FRAS1: variants seen among roughly 807,000 people sequenced by gnomAD.
FRAS1 encodes the protein extracellular matrix organizing protein FRAS1.
Under a neutral mutation model 435.2 loss-of-function variants are expected in FRAS1, and 290 were observed. The observed-to-expected ratio is 0.67, with a 90% CI of 0.61 to 0.73. FRAS1 has a LOEUF of 0.73. Ranked by LOEUF, FRAS1 falls within the 30% of genes least tolerant of loss-of-function variation. The pLI is 0.00. For synonymous variants in FRAS1, 1,800 were observed against 1,851.0 expected, an observed-to-expected ratio of 0.97 and a Z score of 0.71; for missense variants, 4,860 against 5,001.5, an observed-to-expected ratio of 0.97 and a Z score of 0.85.
At chr4:78,274,373 CTCTTGCTTCTCT>C (rs1726884442) in intron 9 of FRAS1, among the ~76,000 whole-genome samples, 1 of 152,166 alleles carries the variant, frequency 6.6e-6, no homozygotes, top group Admixed American at 6.5e-5. Context: ...AATGTGTTTG[CTCTTGCTTCTCT>C]AGTTCCTTTC....
At chr4:78,162,713 T>G (rs780297854) in intron 2 of FRAS1, among the ~76,000 whole-genome samples, 1 of 152,206 alleles carries the variant, frequency 6.6e-6, no homozygotes, top group Non-Finnish European at 1.5e-5. Flanking sequence ...ATCTGATAAC[T>G]TCAGAAACGG....
At chr4:78,291,634 C>G (rs1727903055) in intron 14 of FRAS1, among the ~76,000 whole-genome samples, 2 of 152,122 alleles carry the variant, frequency 1.3e-5, no homozygotes, top group African/African-American at 2.4e-5. Flanking sequence ...TTTCATTTCC[C>G]CTTTCATTCT....
chr4:78,233,363 T>G (rs1230217505), intron 2 of FRAS1, among the ~76,000 whole-genome samples: 2 of 152,234 alleles, frequency 1.3e-5, no homozygotes, highest in African/African-American at 4.8e-5. Context: ...ATAGTTTCAT[T>G]TCTCCCTTAT....
intron 14 of FRAS1, among the ~76,000 whole-genome samples, chr4:78,305,271 T>C (rs954266379): frequency 0.021 from 3,251 of 152,030 alleles, 123 homozygotes; most frequent in African/African-American, 0.074. Flanking sequence ...TGAGGAGAGC[T>C]TTACTTCCAA....
chr4:78,489,168 T>C, intron 59 of FRAS1, 88 bp downstream of exon 59: 1 of 1,306,138 alleles, frequency 7.7e-7, no homozygotes, highest in Non-Finnish European at 1.0e-6. Flanking sequence ...ATTCCAAAAA[T>C]TCTCAGAATT....
At chr4:78,498,438 G>A (rs2109872933) in intron 60 of FRAS1, among the ~76,000 whole-genome samples, 1 of 152,048 alleles carries the variant, frequency 6.6e-6, no homozygotes, top group Middle Eastern at 3.4e-3. Context: ...CCCAGGAGGT[G>A]GAAGTTGCAG....
intron 2 of FRAS1, among the ~76,000 whole-genome samples, chr4:78,099,544 AT>A (rs1431500269): frequency 6.6e-6 from 1 of 151,570 alleles, no homozygotes; most frequent in African/African-American, 2.4e-5. Context: ...ATAAACTCTT[AT>A]AAACACTTAC....
chr4:78,154,962 G>C (rs1001930955), intron 2 of FRAS1, among the ~76,000 whole-genome samples: 1 of 152,208 alleles, frequency 6.6e-6, no homozygotes, highest in Non-Finnish European at 1.5e-5. Context: ...AATAGAGGCA[G>C]TGGAGTAGCA....
At chr4:78,407,575 T>TAA (rs34880017) in intron 30 of FRAS1, 88 bp from the exon 31 acceptor site, 2,508 of 938,194 alleles carry the variant, frequency 2.7e-3, no homozygotes, top group Non-Finnish European at 3.2e-3. Flanking sequence ...TCTTTCTAGT[T>TAA]AAAAAAAAAA....
intron 66 of FRAS1, among the ~76,000 whole-genome samples, chr4:78,519,016 T>C (rs1721302326): frequency 6.6e-6 from 1 of 152,202 alleles, no homozygotes; most frequent in South Asian, 2.1e-4. Flanking sequence ...TGTGATATTC[T>C]CAAATTTCAG....
chr4:78,120,586 C>T (rs575164444), intron 2 of FRAS1, among the ~76,000 whole-genome samples: 4 of 152,214 alleles, frequency 2.6e-5, no homozygotes, highest in Admixed American at 6.5e-5. Context: ...GAAAAAGGGG[C>T]CTGTGTGCAA....
chr4:78,356,931 A>C (rs1231588119), intron 20 of FRAS1, among the ~76,000 whole-genome samples: 1 of 152,156 alleles, frequency 6.6e-6, no homozygotes, highest in East Asian at 1.9e-4. Context: ...TGCCTTTACC[A>C]TAAAATCCAG....
intron 2 of FRAS1, among the ~76,000 whole-genome samples, chr4:78,191,052 C>T (rs1380880737): frequency 6.6e-6 from 1 of 152,164 alleles, no homozygotes; most frequent in Non-Finnish European, 1.5e-5. Flanking sequence ...AGAGGGTGGC[C>T]ATCTGCAAGC....
chr4:78,185,177 T>C (rs1310916955), intron 2 of FRAS1, among the ~76,000 whole-genome samples: 1 of 152,188 alleles, frequency 6.6e-6, no homozygotes, highest in Non-Finnish European at 1.5e-5. Context: ...CAAAAATTAT[T>C]TGCAAAGCTC....
In FRAS1 at chr4:78,534,502, A is replaced by G; in HGVS notation, c.10979A>G (p.Tyr3660Cys). Residue 3660 changes from tyrosine to cysteine, a missense_variant, in exon 71 of 74, where the codon TAT (tyrosine) becomes TGT (cysteine). Tyr to Cys is a radical substitution (Grantham distance 194). Transcript: ENST00000512123. ...QQTNRPVPVVYSLNTEFQLCN... is the reference protein window; with the variant it reads ...QQTNRPVPVVCSLNTEFQLCN... ...ACCAACCGCCCTGTGCCAGTTGTGTATTCACTTAACACTGAATTTCAGCTC... is the reference window on the plus strand; with the variant it reads ...ACCAACCGCCCTGTGCCAGTTGTGTGTTCACTTAACACTGAATTTCAGCTC... The G allele has an allele frequency of 6.2e-7, 1 of 1,613,790 alleles. No individual in the cohort carries two copies. Among genetic ancestry groups the G allele is most frequent in the Non-Finnish European group, 8.5e-7 (1 of 1,179,744 alleles).
chr4:78,340,894 T>A (rs1290286881), intron 20 of FRAS1, among the ~76,000 whole-genome samples: 3 of 152,166 alleles, frequency 2.0e-5, no homozygotes, highest in African/African-American at 7.2e-5. Context: ...TCCTTTAATA[T>A]CCTTATTTTA....
intron 2 of FRAS1, among the ~76,000 whole-genome samples, chr4:78,190,269 A>G (rs1206940369): frequency 1.3e-5 from 2 of 152,064 alleles, no homozygotes; most frequent in African/African-American, 4.8e-5. Flanking sequence ...TACTAGCCCA[A>G]GCTTTTGCAC....
At chr4:78,290,824 A>T (rs1437895418) in intron 14 of FRAS1, among the ~76,000 whole-genome samples, 3 of 134,738 alleles carry the variant, frequency 2.2e-5, no homozygotes, top group Middle Eastern at 4.2e-3. Flanking sequence ...TTTTTTTTTA[A>T]GACAGAGTTT....
chr4:78,477,148 G>T (rs1016203314), intron 54 of FRAS1, among the ~76,000 whole-genome samples: 1 of 152,046 alleles, frequency 6.6e-6, no homozygotes, highest in African/African-American at 2.4e-5. Flanking sequence ...AGTCTACCTT[G>T]TTTATAATGT....
Sources: allele counts gnomAD v4.1 joint callset (sites outside exome capture counted in the v4.1 genomes callset), GRCh38; gene constraint gnomAD v4.1.1; transcripts MANE v1.5; gene names NCBI Gene and HGNC (gene_info 2026-07-23, HGNC 2026-07-21).